Variants in PFKP observed in about 807,000 individuals in gnomAD.
The protein encoded by PFKP is phosphofructokinase, platelet, also known as ATP-dependent 6-phosphofructokinase, platelet type.
In PFKP, 101 loss-of-function variants were observed where a neutral mutation model predicts 94.3. The ratio of observed to expected loss-of-function variants is 1.07; its 90% CI spans 0.91 to 1.26. PFKP has a LOEUF of 1.26. Among genes scored for constraint, PFKP ranks in the 50% most tolerant of loss-of-function variants. The pLI is 0.00. For missense variants in PFKP, 1,145 were observed against 1,103.3 expected, an observed-to-expected ratio of 1.04 and a Z score of -0.53; for synonymous variants, 573 against 432.6, an observed-to-expected ratio of 1.32 and a Z score of -4.03.
In PFKP at chr10:3,105,170, G is replaced by A; in HGVS notation, c.665+11G>A. 1 of 1,612,860 alleles carries A rather than the reference G, an allele frequency of 6.2e-7. No homozygotes were observed. Among genetic ancestry groups the A allele is most frequent in the Non-Finnish European group, 8.5e-7 (1 of 1,178,918 alleles). ...GGGACGACACTGTGGGTACGTACCT[G>A]CGGTGGGTCCGGTGGACGCGGTTCA... On this transcript the variant is annotated intron_variant, in intron 6 of 21. Transcript: ENST00000381125.
intron 2 of PFKP, among the ~76,000 whole-genome samples, chr10:3,098,024 TAAAC>T (rs1564293102): frequency 6.7e-6 from 1 of 150,268 alleles, no homozygotes; most frequent in East Asian, 1.9e-4. Context: ...TAAAATAAAA[TAAAC>T]ACACATATAT....
At chr10:3,118,934 T>G in intron 15 of PFKP, 65 bp downstream of exon 15, 1 of 1,277,402 alleles carries the variant, frequency 7.8e-7, no homozygotes, top group East Asian at 2.4e-5. Flanking sequence ...TGGCTAAACA[T>G]TAAGCTACTT....
intron 8 of PFKP, 61 bp from the exon 9 acceptor site, chr10:3,108,640 C>A: frequency 7.9e-7 from 1 of 1,261,550 alleles, no homozygotes; most frequent in Non-Finnish European, 1.2e-6. Context: ...TACCTCCTTC[C>A]AGATCTGGGC....
intron 16 of PFKP, chr10:3,125,256 G>C: frequency 7.7e-7 from 1 of 1,301,908 alleles, no homozygotes; most frequent in South Asian, 1.3e-5. Flanking sequence ...TGAGGTAAGA[G>C]AACCCCGTTT....
chr10:3,134,469 C>G lies in PFKP; in HGVS notation c.2023-14C>G. 2 of 1,505,384 alleles carry G rather than the reference C, an allele frequency of 1.3e-6. No individual in the cohort carries two copies. Among genetic ancestry groups the G allele is most frequent in the Non-Finnish European group, 1.9e-6 (2 of 1,081,054 alleles). 93.3% of individuals were successfully genotyped at this position (1,505,384 alleles called of 1,614,324 possible). ...TGTATAACTGGTATTTCATATAACTCTAACCACCAACAGGGTGGGGCACCC... is the reference window on the plus strand; with the variant it reads ...TGTATAACTGGTATTTCATATAACTGTAACCACCAACAGGGTGGGGCACCC... On this transcript the variant is annotated splice_polypyrimidine_tract_variant and intron_variant, in intron 19 of 21. Transcript: ENST00000381125.
intron 13 of PFKP, 133 bp downstream of exon 13, chr10:3,113,651 T>G (rs1836494930): frequency 1.2e-5 from 4 of 346,624 alleles, no homozygotes; most frequent in Admixed American, 7.1e-5. Context: ...ATATTGTGAC[T>G]GAAGCATTGC....
In PFKP at chr10:3,107,300, A is replaced by G. The variant is rs1473061932; in HGVS notation, c.861A>G (p.Lys287=). Residue 287 remains lysine (K), a synonymous_variant, in exon 8 of 22, where the codon AAA becomes AAG. Coordinates refer to ENST00000381125, the MANE Select transcript of PFKP (RefSeq NM_002627.5). ...DTQNKPITSE[K]IKELVVTQLG... Reference sequence around the variant, plus strand: ...AAAATAAACCCATCACCTCTGAGAAAATCAAAGAGGTGAGTGTGTGTAGCT... The same window carrying G: ...AAAATAAACCCATCACCTCTGAGAAGATCAAAGAGGTGAGTGTGTGTAGCT... 6.3e-7 allele frequency: 1 copy of G among 1,593,782 alleles called. No homozygotes were observed. The highest frequency in any genetic ancestry group is 2.2e-5 in the East Asian group (1 of 44,724).
chr10:3,116,887 A>G (rs927090066), intron 14 of PFKP, 41 bp downstream of exon 14: 1 of 1,425,328 alleles, frequency 7.0e-7, no homozygotes, highest in Non-Finnish European at 9.9e-7. Context: ...CTTTTAAGGA[A>G]GAAGGAAGAG....
At chr10:3,081,667 C>A (rs1283765103) in intron 1 of PFKP, among the ~76,000 whole-genome samples, 4 of 152,196 alleles carry the variant, frequency 2.6e-5, no homozygotes, top group Admixed American at 1.3e-4. Flanking sequence ...TCAGCTCCCC[C>A]AAATCCAGCG....
chr10:3,094,193 C>T (rs2131498880), intron 2 of PFKP, among the ~76,000 whole-genome samples: 1 of 152,338 alleles, frequency 6.6e-6, no homozygotes, highest in East Asian at 1.9e-4. Flanking sequence ...GTGCTTGGGA[C>T]CCTCTCTCTA....
intron 18 of PFKP, 72 bp downstream of exon 18, chr10:3,132,513 C>T: frequency 3.6e-6 from 4 of 1,105,382 alleles, no homozygotes; most frequent in Non-Finnish European, 2.8e-6. Flanking sequence ...TAGTCTGTGA[C>T]TTGGGCTGGA....
rs759575541 is a variant in PFKP, at chr10:3,113,175, A to G, written c.1211A>G (p.Asp404Gly). Residue 404 changes from aspartate to glycine, a missense_variant, in exon 12 of 22, where the codon GAT (aspartate) becomes GGT (glycine). Coordinates refer to ENST00000381125, the MANE Select transcript of PFKP (RefSeq NM_002627.5). ...CGACTTGCCATCAAGCTGCCGGATGATCAGATCCCAAAGGTAGGTGGCCGG... is the reference window on the plus strand; with the variant it reads ...CGACTTGCCATCAAGCTGCCGGATGGTCAGATCCCAAAGGTAGGTGGCCGG... ...YKRLAIKLPD[D>G]QIPKTNCNVA... 6.2e-6 allele frequency: 10 copies of G among 1,612,336 alleles called. No homozygotes were observed. In the South Asian group the frequency reaches 8.8e-5, roughly 14 times the overall value.
At position 3,077,454 on chromosome 10, in the gene PFKP, GAT is replaced by G. The variant is rs746875487; in HGVS notation, c.113-4933_113-4932del. 5.1e-3 allele frequency among the ~76,000 whole-genome samples: 772 copies of G among 151,450 alleles called. 3 individuals carry two copies. Among genetic ancestry groups the G allele is most frequent in the South Asian group, 0.012 (57 of 4,776 alleles). On this transcript the variant is annotated intron_variant, in intron 1 of 21. Coordinates refer to ENST00000381125, the MANE Select transcript of PFKP (RefSeq NM_002627.5). ...TTTTTTTTTTTGTATTTTTAGTAGA[GAT>G]GGGGTTTCACCCTGTTAGCCAGGAT...
chr10:3,130,816 CA>C (rs1281720635), intron 17 of PFKP, among the ~76,000 whole-genome samples: 4 of 152,324 alleles, frequency 2.6e-5, no homozygotes, highest in African/African-American at 9.6e-5. Context: ...CTCGGCCTCC[CA>C]AAGTGCTGGG....
intron 16 of PFKP, among the ~76,000 whole-genome samples, chr10:3,127,752 C>G (rs1838117055): frequency 6.6e-6 from 1 of 152,148 alleles, no homozygotes; most frequent in Non-Finnish European, 1.5e-5. Context: ...TTGCCTGTTT[C>G]TCTCCCCATC....
intron 2 of PFKP, among the ~76,000 whole-genome samples, chr10:3,087,431 G>C (rs1025692852): frequency 2.0e-5 from 3 of 152,156 alleles, no homozygotes; most frequent in African/African-American, 7.2e-5. Flanking sequence ...CCCTGCCCTC[G>C]GTGGGGAAGG....
chr10:3,112,266 T>A lies in PFKP; in HGVS notation c.1134T>A (p.Asp378Glu). 1 of 1,613,854 alleles carries A rather than the reference T, an allele frequency of 6.2e-7. No individual in the cohort carries two copies. ...QKAMDERRFQDAVRLRGRSFA... is the reference protein window; with the variant it reads ...QKAMDERRFQEAVRLRGRSFA... ...CGATGGACGAGAGGAGATTTCAAGATGCGGTTCGACTCCGAGGGAGGTGAG... is the reference window on the plus strand; with the variant it reads ...CGATGGACGAGAGGAGATTTCAAGAAGCGGTTCGACTCCGAGGGAGGTGAG... The change falls in exon 11 of 22, where the codon GAT becomes GAA. Residue 378 changes from aspartate to glutamate, a missense_variant. Physicochemically the swap from Asp to Glu is conservative, Grantham distance 45. Coordinates refer to ENST00000381125, the MANE Select transcript of PFKP (RefSeq NM_002627.5).
chr10:3,123,617 G>T (rs1837639597), intron 16 of PFKP, among the ~76,000 whole-genome samples: 1 of 152,196 alleles, frequency 6.6e-6, no homozygotes, highest in South Asian at 2.1e-4. Flanking sequence ...GAAACAGCCG[G>T]CTCCCCACAG....
chr10:3,076,040 A>AAAAT (rs1832562072), intron 1 of PFKP, among the ~76,000 whole-genome samples: 1 of 134,430 alleles, frequency 7.4e-6, no homozygotes, highest in East Asian at 2.4e-4. Flanking sequence ...AAAAAAAAAA[A>AAAAT]GTAAAAACCG....
Sources: gnomAD v4.1 joint callset for allele counts (sites outside exome capture counted in the v4.1 genomes callset) on GRCh38, gnomAD v4.1.1 for gene constraint, MANE v1.5 for transcripts, NCBI Gene and HGNC (gene_info 2026-07-23, HGNC 2026-07-21) for gene names.